The following CFTR variants were observed in gnomAD, a reference collection of about 807,000 sequenced individuals.
CFTR encodes CF transmembrane conductance regulator.
Under a neutral mutation model 171.6 loss-of-function variants are expected in CFTR, and 181 were observed. The ratio of observed to expected loss-of-function variants is 1.05; its 90% CI spans 0.93 to 1.19. The LOEUF is 1.19. Ranked by LOEUF, CFTR falls within the 50% of genes most tolerant of loss-of-function variation. The pLI, the probability that CFTR is intolerant of heterozygous loss-of-function variation, is 0.00. For synonymous variants in CFTR, 583 were observed against 608.0 expected (o/e 0.96, Z 0.60); for missense variants, 1,968 against 1,734.7 (o/e 1.13, Z -2.39).
At chr7:117,654,628 C>A (rs1479789178) in intron 24 of CFTR, among the ~76,000 whole-genome samples, 3 of 152,136 alleles carry the variant, frequency 2.0e-5, no homozygotes, top group Non-Finnish European at 4.4e-5. Context: ...CCTGCTCTTG[C>A]ACCCTCTTTC....
At chr7:117,481,841 T>C (rs1798005141) in intron 1 of CFTR, among the ~76,000 whole-genome samples, 1 of 152,238 alleles carries the variant, frequency 6.6e-6, no homozygotes, top group Non-Finnish European at 1.5e-5. Context: ...TTCAAAGTGG[T>C]AGGCTTTGGA....
chr7:117,501,747 C>CA (rs1212853305), intron 1 of CFTR, among the ~76,000 whole-genome samples: 447 of 43,766 alleles, frequency 0.01, 14 homozygotes, highest in Non-Finnish European at 0.014. Flanking sequence ...AACTCTGTCT[C>CA]AAAAAAAAAA....
intron 5 of CFTR, 71 bp from the exon 6 acceptor site, chr7:117,535,176 CA>C: frequency 6.6e-7 from 1 of 1,514,928 alleles, no homozygotes; most frequent in Non-Finnish European, 9.2e-7. Context: ...TGCTTTCTTT[CA>C]TATATGATTG....
chr7:117,537,254 C>T (rs145425476), intron 7 of CFTR, among the ~76,000 whole-genome samples: 1 of 152,282 alleles, frequency 6.6e-6, no homozygotes, highest in Non-Finnish European at 1.5e-5. Context: ...TGGCACCTAT[C>T]TCTAGTGTTC....
chr7:117,543,842 A>G (rs544337443), intron 9 of CFTR, among the ~76,000 whole-genome samples: 2 of 152,302 alleles, frequency 1.3e-5, no homozygotes, highest in South Asian at 2.1e-4. Flanking sequence ...GTCCATATAA[A>G]TGAGTCTTCC....
intron 22 of CFTR, among the ~76,000 whole-genome samples, chr7:117,641,995 C>T (rs770804417): frequency 6.6e-6 from 1 of 152,158 alleles, no homozygotes; most frequent in Non-Finnish European, 1.5e-5. Context: ...TTAGGGTCAA[C>T]ATCTAAATAT....
At chr7:117,503,575 C>A (rs544692433) in intron 1 of CFTR, among the ~76,000 whole-genome samples, 1 of 152,176 alleles carries the variant, frequency 6.6e-6, no homozygotes, top group Non-Finnish European at 1.5e-5. Flanking sequence ...ATTTCCCATG[C>A]CAACTTTACT....
chr7:117,514,389 A>G (rs986701436), intron 3 of CFTR, among the ~76,000 whole-genome samples: 1 of 151,984 alleles, frequency 6.6e-6, no homozygotes, highest in African/African-American at 2.4e-5. Flanking sequence ...ACTCCCTTTT[A>G]CGAGTGAGAA....
chr7:117,645,247 C>G (rs1284108047), intron 23 of CFTR, among the ~76,000 whole-genome samples: 1 of 152,122 alleles, frequency 6.6e-6, no homozygotes, highest in Non-Finnish European at 1.5e-5. Flanking sequence ...TTATTAAACT[C>G]CTACATGCTT....
At chr7:117,502,783 C>A (rs144371891) in intron 1 of CFTR, among the ~76,000 whole-genome samples, 1 of 152,188 alleles carries the variant, frequency 6.6e-6, no homozygotes, top group Admixed American at 6.5e-5. Context: ...ACCTAATTAT[C>A]GCTCTTTGTT....
chr7:117,629,344 A>G (rs1425117944), intron 22 of CFTR, among the ~76,000 whole-genome samples: 2 of 152,150 alleles, frequency 1.3e-5, no homozygotes, highest in African/African-American at 4.8e-5. Flanking sequence ...TTTATTTTCT[A>G]TTCTAGATTT....
At chr7:117,595,171 A>G (rs1584813967) in intron 15 of CFTR, 113 bp downstream of exon 15, 5 of 771,712 alleles carry the variant, frequency 6.5e-6, no homozygotes, top group East Asian at 5.4e-5. Flanking sequence ...ACATGTATAC[A>G]TGTATAAGTA....
intron 8 of CFTR, 94 bp from the exon 9 acceptor site, chr7:117,541,922 T>G (rs894611161): frequency 3.9e-6 from 2 of 518,582 alleles, no homozygotes; most frequent in South Asian, 6.4e-5. Context: ...AATTCATATA[T>G]AAGATGTAGC....
At chr7:117,538,360 C>T (rs1798992129) in intron 7 of CFTR, among the ~76,000 whole-genome samples, 1 of 152,128 alleles carries the variant, frequency 6.6e-6, no homozygotes, top group Admixed American at 6.5e-5. Flanking sequence ...AAATAACAAA[C>T]TGATATATTT....
At chr7:117,521,207 T>C (rs1287643364) in intron 3 of CFTR, among the ~76,000 whole-genome samples, 1 of 152,044 alleles carries the variant, frequency 6.6e-6, no homozygotes, top group Non-Finnish European at 1.5e-5. Flanking sequence ...ATCTATTAAA[T>C]TCTTGATTCA....
rs1792393806 is a variant in CFTR at position 117,611,789 on chromosome 7, C to G, written c.3348C>G (p.Phe1116Leu). ...IFVIFFIAVT[F>L]ISILTTGEGE... Reference sequence around the variant, plus strand: ...TCATCTTCTTCATTGCTGTTACCTTCATTTCCATTTTAACAACAGGTACTA... The same window carrying G: ...TCATCTTCTTCATTGCTGTTACCTTGATTTCCATTTTAACAACAGGTACTA... Residue 1116 changes from phenylalanine (F) to leucine (L), a missense_variant, in exon 20 of 27, where the codon TTC becomes TTG. Coordinates refer to ENST00000003084, the MANE Select transcript of CFTR (RefSeq NM_000492.4). The G allele has an allele frequency of 6.2e-7, 1 of 1,611,394 alleles. No homozygotes were observed. Among genetic ancestry groups the G allele is most frequent in the African/African-American group, 1.3e-5 (1 of 74,752 alleles).
intron 23 of CFTR, among the ~76,000 whole-genome samples, chr7:117,647,679 CAAA>C (rs71788584): frequency 1.4e-5 from 2 of 142,824 alleles, no homozygotes; most frequent in Non-Finnish European, 3.1e-5. Context: ...CAGCTAATAC[CAAA>C]AAAAAAAAAA....
intron 22 of CFTR, among the ~76,000 whole-genome samples, chr7:117,633,728 G>A (rs1792785728): frequency 1.3e-5 from 2 of 150,878 alleles, no homozygotes; most frequent in Non-Finnish European, 3.0e-5. Context: ...GTTAAATTTT[G>A]TGAAATGCTT....
At chr7:117,581,684 G>C (rs1271026396) in intron 11 of CFTR, among the ~76,000 whole-genome samples, 1 of 152,052 alleles carries the variant, frequency 6.6e-6, no homozygotes, top group Non-Finnish European at 1.5e-5. Context: ...CTAGAAAACA[G>C]GTCATTTTGC....
Sources: gnomAD v4.1 joint callset for allele counts (sites outside exome capture counted in the v4.1 genomes callset) on GRCh38, gnomAD v4.1.1 for gene constraint, MANE v1.5 for transcripts, NCBI Gene and HGNC (gene_info 2026-07-23, HGNC 2026-07-21) for gene names.